DLG2: variants seen among roughly 807,000 people sequenced by gnomAD.
DLG2 encodes the protein discs large MAGUK scaffold protein 2.
Under a neutral mutation model 132.5 loss-of-function variants are expected in DLG2, and 45 were observed. That is an observed-to-expected ratio of 0.34 (90% CI 0.27 to 0.44). The LOEUF (loss-of-function observed/expected upper bound fraction) is 0.44. DLG2 is among the 20% of genes least tolerant of loss of function. DLG2 has a pLI of 1.00. For synonymous variants in DLG2, 424 were observed against 419.6 expected, an observed-to-expected ratio of 1.01 and a Z score of -0.13; for missense variants, 1,045 against 1,196.9, an observed-to-expected ratio of 0.87 and a Z score of 1.87.
chr11:83,812,659 T>C (rs1445716704), intron 17 of DLG2, among the ~76,000 whole-genome samples: 1 of 152,150 alleles, frequency 6.6e-6, no homozygotes. Context: ...TATAGTTAGT[T>C]AAAATAATGC....
At chr11:83,671,362 C>T (rs914822992) in intron 18 of DLG2, among the ~76,000 whole-genome samples, 1 of 152,198 alleles carries the variant, frequency 6.6e-6, no homozygotes, top group African/African-American at 2.4e-5. Context: ...GCTTGAATCA[C>T]ACATCCTGAT....
intron 4 of DLG2, among the ~76,000 whole-genome samples, chr11:85,177,090 C>T (rs900329771): frequency 6.6e-6 from 1 of 152,018 alleles, no homozygotes; most frequent in Non-Finnish European, 1.5e-5. Context: ...TTTGACCCAG[C>T]AATCCCATTA....
intron 9 of DLG2, among the ~76,000 whole-genome samples, chr11:84,115,571 T>A (rs935275739): frequency 1.3e-5 from 2 of 152,200 alleles, no homozygotes; most frequent in South Asian, 2.1e-4. Context: ...AGACTGCAAT[T>A]ATCATGTCCC....
chr11:84,638,955 T>G lies in DLG2; in HGVS notation c.358-104224A>C, dbSNP rs78308698. Among the ~76,000 whole-genome samples the G allele has an allele frequency of 3.8e-3, 574 of 152,334 alleles. 3 individuals are homozygous for G. Among genetic ancestry groups the G allele is most frequent in the African/African-American group, 0.013 (558 of 41,576 alleles). On this transcript the variant is annotated intron_variant, in intron 6 of 27. Coordinates refer to ENST00000376104, the MANE Select transcript of DLG2 (RefSeq NM_001142699.3). ...ACTGAATATAATTCAAGAACCTCTATTGGCACTTCTGGGATACCCAATCTG... is the reference window on the plus strand; with the variant it reads ...ACTGAATATAATTCAAGAACCTCTAGTGGCACTTCTGGGATACCCAATCTG...
At chr11:85,262,794 C>T (rs1331858228) in intron 4 of DLG2, among the ~76,000 whole-genome samples, 4 of 152,176 alleles carry the variant, frequency 2.6e-5, no homozygotes, top group African/African-American at 9.7e-5. Context: ...CAGTAATAAA[C>T]TCCCTTCTTT....
intron 6 of DLG2, among the ~76,000 whole-genome samples, chr11:84,776,701 T>C (rs1290020066): frequency 6.6e-6 from 1 of 152,140 alleles, no homozygotes; most frequent in Non-Finnish European, 1.5e-5. Context: ...CATAATCCAT[T>C]TGAGAGTCAT....
intron 6 of DLG2, among the ~76,000 whole-genome samples, chr11:84,932,333 C>A (rs1028277564): frequency 3.9e-5 from 6 of 152,172 alleles, no homozygotes; most frequent in African/African-American, 1.4e-4. Flanking sequence ...CAATTTTCTG[C>A]ATATAACTAG....
intron 6 of DLG2, among the ~76,000 whole-genome samples, chr11:84,616,828 T>C: frequency 6.6e-6 from 1 of 152,152 alleles, no homozygotes; most frequent in East Asian, 1.9e-4. Context: ...AGTTTTATTA[T>C]TGTTAGTCTC....
At chr11:83,502,971 T>C (rs1338092727) in intron 21 of DLG2, among the ~76,000 whole-genome samples, 1 of 152,116 alleles carries the variant, frequency 6.6e-6, no homozygotes, top group Non-Finnish European at 1.5e-5. Context: ...GTTACATCCA[T>C]TTATGCATGT....
chr11:84,554,225 A>C (rs1325835024), intron 6 of DLG2, among the ~76,000 whole-genome samples: 3 of 152,176 alleles, frequency 2.0e-5, no homozygotes, highest in African/African-American at 7.2e-5. Flanking sequence ...CTGGATATGC[A>C]AAATTAACAA....
intron 5 of DLG2, 40 bp from the exon 6 acceptor site, chr11:85,111,775 T>C: frequency 2.1e-6 from 3 of 1,424,446 alleles, no homozygotes; most frequent in South Asian, 1.2e-5. Context: ...CTATTTATTA[T>C]GGGCCAGTAT....
intron 6 of DLG2, among the ~76,000 whole-genome samples, chr11:85,088,019 G>C (rs2068218310): frequency 1.3e-5 from 2 of 152,152 alleles, no homozygotes. Context: ...GTTGATGTGT[G>C]AATAGTGTAT....
intron 6 of DLG2, among the ~76,000 whole-genome samples, chr11:84,754,530 A>G (rs1207272365): frequency 6.6e-6 from 1 of 152,190 alleles, no homozygotes; most frequent in Non-Finnish European, 1.5e-5. Flanking sequence ...TACAATATAT[A>G]TTTTATAGGG....
intron 14 of DLG2, among the ~76,000 whole-genome samples, chr11:83,946,501 C>T (rs570435163): frequency 1.3e-5 from 2 of 152,156 alleles, no homozygotes; most frequent in Admixed American, 1.3e-4. Context: ...GACTAATGGG[C>T]TATCAGAGTT....
At chr11:84,525,165 C>T (rs1241477611) in intron 7 of DLG2, among the ~76,000 whole-genome samples, 1 of 152,136 alleles carries the variant, frequency 6.6e-6, no homozygotes, top group East Asian at 1.9e-4. Context: ...CAATCCCATC[C>T]ATTTTCACAA....
chr11:85,511,802 T>A (rs1242525475), intron 3 of DLG2, among the ~76,000 whole-genome samples: 2 of 151,282 alleles, frequency 1.3e-5, no homozygotes, highest in Admixed American at 1.3e-4. Flanking sequence ...CACTGCAGCC[T>A]CAAACTCCTG....
chr11:84,838,820 T>C (rs2080184321), intron 6 of DLG2, among the ~76,000 whole-genome samples: 1 of 151,988 alleles, frequency 6.6e-6, no homozygotes, highest in African/African-American at 2.4e-5. Context: ...TCTCAATAAA[T>C]TAGGTATTGA....
At chr11:84,279,617 AC>A (rs1218247390) in intron 7 of DLG2, among the ~76,000 whole-genome samples, 1 of 152,210 alleles carries the variant, frequency 6.6e-6, no homozygotes, top group Non-Finnish European at 1.5e-5. Flanking sequence ...ACCATGGAAT[AC>A]TATGCAGCCA....
intron 17 of DLG2, among the ~76,000 whole-genome samples, chr11:83,810,920 C>T (rs993733633): frequency 4.6e-5 from 7 of 152,068 alleles, no homozygotes; most frequent in African/African-American, 1.4e-4. Flanking sequence ...AAAGACCTAA[C>T]TGTAGAAAGT....
Sources: allele counts gnomAD v4.1 joint callset (sites outside exome capture counted in the v4.1 genomes callset), GRCh38; gene constraint gnomAD v4.1.1; transcripts MANE v1.5; gene names NCBI Gene and HGNC (gene_info 2026-07-23, HGNC 2026-07-21).